Variants in STIM2 observed in about 807,000 individuals in gnomAD.
STIM2 encodes stromal interaction molecule 2.
A neutral mutation model predicts 85.8 loss-of-function variants in STIM2; 31 were observed. That is an observed-to-expected ratio of 0.36 (90% CI 0.27 to 0.49). The LOEUF (loss-of-function observed/expected upper bound fraction) is 0.49. STIM2 is among the 20% of genes least tolerant of loss of function. The pLI, the probability that STIM2 is intolerant of heterozygous loss-of-function variation, is 0.98. For missense variants in STIM2, 841 were observed against 927.6 expected (o/e 0.91, Z 1.21); for synonymous variants, 356 against 331.1 (o/e 1.08, Z -0.82).
chr4:26,938,776 T>C (rs1305516740), intron 2 of STIM2, among the ~76,000 whole-genome samples: 2 of 152,234 alleles, frequency 1.3e-5, no homozygotes. Flanking sequence ...TTCTCTCTTA[T>C]AGATAAGGAG....
At chr4:26,871,807 GT>G (rs1722628649) in intron 1 of STIM2, among the ~76,000 whole-genome samples, 1 of 149,608 alleles carries the variant, frequency 6.7e-6, no homozygotes, top group Non-Finnish European at 1.5e-5. Flanking sequence ...GCCCCGCAAA[GT>G]AATTAGATTA....
chr4:26,877,491 T>G (rs1344777327), intron 1 of STIM2, among the ~76,000 whole-genome samples: 1 of 152,086 alleles, frequency 6.6e-6, no homozygotes, highest in Non-Finnish European at 1.5e-5. Flanking sequence ...GTTCTGTTGT[T>G]TGCTTTATCT....
At chr4:26,878,756 G>A (rs1278913784) in intron 1 of STIM2, among the ~76,000 whole-genome samples, 2 of 152,184 alleles carry the variant, frequency 1.3e-5, no homozygotes, top group Admixed American at 1.3e-4. Context: ...TGGCTTGGGA[G>A]GTCTCAGGAA....
intron 2 of STIM2, among the ~76,000 whole-genome samples, chr4:26,934,659 G>C (rs1429973690): frequency 2.6e-5 from 4 of 152,202 alleles, no homozygotes; most frequent in South Asian, 4.1e-4. Flanking sequence ...CATGCCTGCA[G>C]TCCCAGCACT....
At chr4:26,939,182 A>G (rs964379702) in intron 2 of STIM2, among the ~76,000 whole-genome samples, 3 of 152,084 alleles carry the variant, frequency 2.0e-5, no homozygotes, top group African/African-American at 2.4e-5. Context: ...CTGCCCCTAC[A>G]TCTTGGCATG....
chr4:27,010,957 AT>A (rs1324315507), intron 10 of STIM2, among the ~76,000 whole-genome samples: 2 of 152,176 alleles, frequency 1.3e-5, no homozygotes, highest in Non-Finnish European at 2.9e-5. Context: ...TGTGATAACA[AT>A]TTATTTAAAC....
At chr4:26,874,379 T>C in intron 1 of STIM2, 2 of 245,314 alleles carry the variant, frequency 8.2e-6, no homozygotes, top group South Asian at 1.1e-4. Flanking sequence ...GTCTGACCAC[T>C]AGGGCCCAGC....
At chr4:26,916,942 C>G (rs1449817175) in intron 1 of STIM2, among the ~76,000 whole-genome samples, 1 of 152,138 alleles carries the variant, frequency 6.6e-6, no homozygotes, top group East Asian at 1.9e-4. Context: ...ACTCTCTTAT[C>G]TCTTTAATTC....
intron 11 of STIM2, among the ~76,000 whole-genome samples, chr4:27,019,091 T>A (rs1728828941): frequency 1.3e-5 from 2 of 152,206 alleles, no homozygotes; most frequent in African/African-American, 4.8e-5. Flanking sequence ...AGTATGGTAT[T>A]GAGTGGTAGT....
Position 27,023,251 on chromosome 4 carries a change from GC to G in STIM2, c.*257del. Reference sequence around the variant, plus strand: ...AATGAGACAGTTTACAGTCATTTCTGCCTATTTATTTCTGCTTTGTTCTCAG... The same window carrying G: ...AATGAGACAGTTTACAGTCATTTCTGCTATTTATTTCTGCTTTGTTCTCAG... On this transcript the variant is annotated 3_prime_UTR_variant, in exon 12 of 12. Coordinates refer to ENST00000467087, the MANE Select transcript of STIM2 (RefSeq NM_020860.4). 2.3e-6 allele frequency: 1 copy of G among 444,004 alleles called. No homozygotes were observed. The highest frequency in any genetic ancestry group is 3.2e-5 in the South Asian group (1 of 31,658). 27.5% of individuals were successfully genotyped at this position (444,004 alleles called of 1,614,324 possible).
chr4:27,003,126 T>A (rs768618532), intron 7 of STIM2, 22 bp downstream of exon 7: 2 of 1,542,684 alleles, frequency 1.3e-6, no homozygotes, highest in Non-Finnish European at 1.7e-6. Flanking sequence ...AAAAAAAAAA[T>A]CACTTGTAAA....
chr4:27,011,779 G>C (rs1728566143), intron 10 of STIM2, among the ~76,000 whole-genome samples: 1 of 152,054 alleles, frequency 6.6e-6, no homozygotes. Flanking sequence ...TCTTGCTGTG[G>C]AATCCCTGCA....
chr4:26,905,104 A>G (rs1200139951), intron 1 of STIM2, among the ~76,000 whole-genome samples: 1 of 152,142 alleles, frequency 6.6e-6, no homozygotes, highest in African/African-American at 2.4e-5. Context: ...GATAGGAAGG[A>G]GGCATTGGAG....
intron 5 of STIM2, among the ~76,000 whole-genome samples, chr4:27,001,224 T>G (rs960218169): frequency 1.3e-5 from 2 of 152,200 alleles, no homozygotes; most frequent in Non-Finnish European, 2.9e-5. Context: ...GAGCTGTATC[T>G]CTTTGGAGCA....
chr4:27,016,826 G>A (rs1190067848), intron 10 of STIM2, among the ~76,000 whole-genome samples: 1 of 152,196 alleles, frequency 6.6e-6, no homozygotes, highest in Non-Finnish European at 1.5e-5. Context: ...AGAATGTCCA[G>A]GAAGTGACTA....
At chr4:26,978,860 G>A (rs1335812876) in intron 3 of STIM2, among the ~76,000 whole-genome samples, 1 of 152,200 alleles carries the variant, frequency 6.6e-6, no homozygotes, top group Non-Finnish European at 1.5e-5. Flanking sequence ...TTGAAAGGAT[G>A]CAGGGTTGGG....
At chr4:26,866,988 CAT>C (rs1430006599) in intron 1 of STIM2, among the ~76,000 whole-genome samples, 1 of 151,952 alleles carries the variant, frequency 6.6e-6, no homozygotes, top group Admixed American at 6.6e-5. Flanking sequence ...ATGGGGGTGA[CAT>C]GTCCTTTGTG....
intron 1 of STIM2, among the ~76,000 whole-genome samples, chr4:26,898,902 A>G (rs1006408894): frequency 2.0e-5 from 3 of 152,076 alleles, no homozygotes; most frequent in African/African-American, 7.2e-5. Flanking sequence ...ATCTTTCTAA[A>G]TTCTTGTTAA....
chr4:26,976,696 C>T (rs771122838), intron 3 of STIM2, among the ~76,000 whole-genome samples: 11 of 151,862 alleles, frequency 7.2e-5, no homozygotes, highest in Non-Finnish European at 1.3e-4. Context: ...TCCAGCTACT[C>T]GAGAGGCTGA....
Sources: gnomAD v4.1 joint callset for allele counts (sites outside exome capture counted in the v4.1 genomes callset) on GRCh38, gnomAD v4.1.1 for gene constraint, MANE v1.5 for transcripts, NCBI Gene and HGNC (gene_info 2026-07-23, HGNC 2026-07-21) for gene names.